The following MACF1 variants were observed in gnomAD, a reference collection of about 807,000 sequenced individuals.
MACF1 encodes microtubule actin crosslinking factor 1.
In MACF1, 193 loss-of-function variants were observed where a neutral mutation model predicts 854.8. That is an observed-to-expected ratio of 0.23 (90% CI 0.20 to 0.25). The LOEUF (loss-of-function observed/expected upper bound fraction) is 0.25. Among genes scored for constraint, MACF1 ranks in the 10% least tolerant of loss-of-function variants. MACF1 has a pLI of 1.00. For missense variants in MACF1, 7,722 were observed against 8,929.1 expected, an observed-to-expected ratio of 0.86 and a Z score of 5.45; for synonymous variants, 3,185 against 3,226.7, an observed-to-expected ratio of 0.99 and a Z score of 0.44.
intron 38 of MACF1, among the ~76,000 whole-genome samples, chr1:39,339,464 C>T (rs191864395): frequency 6.6e-6 from 1 of 151,552 alleles, no homozygotes; most frequent in African/African-American, 2.4e-5. Flanking sequence ...AGGGGAGATT[C>T]AGCTCCTGAA....
chr1:39,230,626 G>A (rs1019771756), intron 1 of MACF1, among the ~76,000 whole-genome samples: 1 of 152,006 alleles, frequency 6.6e-6, no homozygotes, highest in Non-Finnish European at 1.5e-5. Flanking sequence ...TTGCTGCTGT[G>A]ACAGGAGAAG....
intron 2 of MACF1, among the ~76,000 whole-genome samples, chr1:39,142,490 C>T (rs1272235979): frequency 6.6e-6 from 1 of 152,126 alleles, no homozygotes; most frequent in Non-Finnish European, 1.5e-5. Flanking sequence ...ACCTCTAGCT[C>T]ATGGGTAAGG....
intron 2 of MACF1, among the ~76,000 whole-genome samples, chr1:39,158,405 C>T (rs1356695176): frequency 2.6e-5 from 4 of 152,108 alleles, no homozygotes; most frequent in East Asian, 3.8e-4. Flanking sequence ...TATTCCAGTC[C>T]GTAAACATGA....
At chr1:39,168,801 G>A (rs531667654) in intron 2 of MACF1, among the ~76,000 whole-genome samples, 4 of 152,066 alleles carry the variant, frequency 2.6e-5, no homozygotes, top group Admixed American at 6.5e-5. Flanking sequence ...CTGATTGATC[G>A]GTTGATCGTA....
At position 39,285,714 on chromosome 1, in the gene MACF1, C is replaced by T. The variant is rs763240680; in HGVS notation, c.1464C>T (p.Ile488=). Reference sequence around the variant, plus strand: ...GGCAGCTGCAGGTGGATCTCCAGATCCTGCGGGATGAGAATTACTACCAGC... The same window carrying T: ...GGCAGCTGCAGGTGGATCTCCAGATTCTGCGGGATGAGAATTACTACCAGC... ...LIRQLQVDLQ[I]LRDENYYQLE... is the part of the protein sequence containing the mutation. The change falls in exon 14 of 101, where the codon ATC becomes ATT. Residue 488 remains isoleucine, a synonymous_variant. Coordinates refer to ENST00000564288, the MANE Select transcript of MACF1 (RefSeq NM_001394062.1). The T allele has an allele frequency of 1.2e-6, 2 of 1,614,098 alleles. No homozygotes were observed. Among genetic ancestry groups the T allele is most frequent in the South Asian group, 2.2e-5 (2 of 91,080 alleles).
chr1:39,470,205 G>T (rs1644750163), intron 97 of MACF1, among the ~76,000 whole-genome samples: 1 of 152,220 alleles, frequency 6.6e-6, no homozygotes, highest in Non-Finnish European at 1.5e-5. Context: ...ATATTCTGAA[G>T]CATTTAGTGA....
At chr1:39,395,545 G>T (rs114142656) in intron 58 of MACF1, among the ~76,000 whole-genome samples, 1,563 of 152,298 alleles carry the variant, frequency 0.01, 29 homozygotes, top group African/African-American at 0.035. Flanking sequence ...GCAGGTGTTT[G>T]GTTGATGATG....
chr1:39,229,483 A>G (rs10788933), intron 1 of MACF1, among the ~76,000 whole-genome samples: 92,505 of 152,018 alleles, frequency 0.61, 30,345 homozygotes, highest in South Asian at 0.78. Context: ...TTGGGGAGAG[A>G]ACCTGGCTGA....
At chr1:39,282,589 T>C (rs990555556) in intron 7 of MACF1, among the ~76,000 whole-genome samples, 1 of 152,238 alleles carries the variant, frequency 6.6e-6, no homozygotes, top group Non-Finnish European at 1.5e-5. Context: ...ATGGAACTTA[T>C]CTTTCAGTAG....
chr1:39,316,670 T>TG, intron 28 of MACF1, 141 bp downstream of exon 28: 3 of 767,574 alleles, frequency 3.9e-6, no homozygotes, highest in Non-Finnish European at 5.9e-6. Context: ...TATATTTTAA[T>TG]ATGTATTCAA....
upstream of MACF1, chr1:39,204,121 A>T (rs1571170066): frequency 1.3e-5 from 2 of 152,104 alleles, no homozygotes; most frequent in East Asian, 3.9e-4. Context: ...TAAAAATATA[A>T]AAATTAGCTG....
chr1:39,400,445 A>G (rs1642432520), intron 58 of MACF1, among the ~76,000 whole-genome samples: 1 of 152,228 alleles, frequency 6.6e-6, no homozygotes, highest in East Asian at 1.9e-4. Flanking sequence ...TTTAAAAAGA[A>G]GCTTATCTAG....
intron 89 of MACF1, among the ~76,000 whole-genome samples, chr1:39,456,145 C>T (rs765888927): frequency 6.6e-6 from 1 of 152,160 alleles, no homozygotes; most frequent in Admixed American, 6.5e-5. Flanking sequence ...ACCAGCCTAG[C>T]CAACATGGTG....
At chr1:39,127,633 A>C (rs941091719) in intron 2 of MACF1, among the ~76,000 whole-genome samples, 3 of 152,198 alleles carry the variant, frequency 2.0e-5, no homozygotes, top group African/African-American at 7.2e-5. Context: ...CACTTCCTTG[A>C]ATAGAACTGT....
At chr1:39,322,815 A>AGCTGC in intron 32 of MACF1, 95 bp from the exon 33 acceptor site, 1 of 1,493,136 alleles carries the variant, frequency 6.7e-7, no homozygotes, top group Admixed American at 1.7e-5. Context: ...TTTTCTGGTG[A>AGCTGC]ACATGTGACT....
At chr1:39,196,062 T>G (rs1644315643) in intron 2 of MACF1, among the ~76,000 whole-genome samples, 1 of 152,232 alleles carries the variant, frequency 6.6e-6, no homozygotes, top group Admixed American at 6.5e-5. Context: ...TGAAACACAT[T>G]AACTCATTCA....
chr1:39,321,978 A>T (rs902182432), intron 31 of MACF1, among the ~76,000 whole-genome samples: 1 of 152,222 alleles, frequency 6.6e-6, no homozygotes. Flanking sequence ...TACCGCACTT[A>T]TAAGGCTACT....
At chr1:39,412,961 C>G (rs1163667584) in intron 58 of MACF1, 1 of 1,593,988 alleles carries the variant, frequency 6.3e-7, no homozygotes, top group Admixed American at 1.8e-5. Context: ...GTCACAGCTG[C>G]TGCAGTATCA....
At chr1:39,215,342 G>A (rs1644563455) in intron 1 of MACF1, 1 of 152,590 alleles carries the variant, frequency 6.6e-6, no homozygotes, top group African/African-American at 2.4e-5. Context: ...TTTAGGTGGG[G>A]TCAGCAGACA....
Sources: gnomAD v4.1 joint callset for allele counts (sites outside exome capture counted in the v4.1 genomes callset) on GRCh38, gnomAD v4.1.1 for gene constraint, MANE v1.5 for transcripts, NCBI Gene and HGNC (gene_info 2026-07-23, HGNC 2026-07-21) for gene names.